CNTN4: variants seen among roughly 807,000 people sequenced by gnomAD.
The protein encoded by CNTN4 is contactin-4.
A neutral mutation model predicts 122.5 loss-of-function variants in CNTN4; 77 were observed. The ratio of observed to expected loss-of-function variants is 0.63; its 90% CI spans 0.52 to 0.76. CNTN4 has a LOEUF of 0.76. Among genes scored for constraint, CNTN4 ranks in the 30% least tolerant of loss-of-function variants. The pLI is 0.00. For synonymous variants in CNTN4, 512 were observed against 447.0 expected, an observed-to-expected ratio of 1.15 and a Z score of -1.83; for missense variants, 1,256 against 1,259.1, an observed-to-expected ratio of 1.00 and a Z score of 0.04.
intron 2 of CNTN4, among the ~76,000 whole-genome samples, chr3:2,331,983 G>A (rs983324752): frequency 1.3e-5 from 2 of 152,126 alleles, no homozygotes; most frequent in Admixed American, 1.3e-4. Flanking sequence ...CTTTCTCCGT[G>A]GTAAGTAAAG....
At chr3:2,294,272 G>A (rs1335448967) in intron 2 of CNTN4, among the ~76,000 whole-genome samples, 1 of 141,090 alleles carries the variant, frequency 7.1e-6, no homozygotes, top group Non-Finnish European at 1.6e-5. Flanking sequence ...GCAAAGGAAA[G>A]GCAGAAGAGT....
intron 6 of CNTN4, among the ~76,000 whole-genome samples, chr3:2,787,793 G>T (rs201501879): frequency 1.2e-4 from 17 of 138,492 alleles, no homozygotes; most frequent in African/African-American, 1.8e-4. Context: ...GTGGGTTTTT[G>T]TTTTTTTTTT....
At chr3:2,788,954 G>A (rs78115706) in intron 6 of CNTN4, among the ~76,000 whole-genome samples, 1 of 152,140 alleles carries the variant, frequency 6.6e-6, no homozygotes, top group Non-Finnish European at 1.5e-5. Flanking sequence ...CAGAAAAAAA[G>A]TTCTGATTCT....
intron 4 of CNTN4, among the ~76,000 whole-genome samples, chr3:2,634,685 A>T (rs1055007569): frequency 1.6e-4 from 21 of 134,382 alleles, no homozygotes; most frequent in African/African-American, 4.8e-4. Flanking sequence ...AGAAAAAAAA[A>T]AAATATATAT....
intron 4 of CNTN4, among the ~76,000 whole-genome samples, chr3:2,668,357 G>A (rs1237694638): frequency 6.6e-6 from 1 of 152,134 alleles, no homozygotes; most frequent in Admixed American, 6.5e-5. Context: ...TGAAGCAATT[G>A]TGAATGGGAG....
At chr3:2,288,144 CAG>C (rs764724667) in intron 2 of CNTN4, among the ~76,000 whole-genome samples, 1 of 152,084 alleles carries the variant, frequency 6.6e-6, no homozygotes, top group African/African-American at 2.4e-5. Context: ...AAATAAGGAA[CAG>C]AGATTTCTTA....
intron 7 of CNTN4, among the ~76,000 whole-genome samples, chr3:2,831,599 A>G (rs2093106390): frequency 6.6e-6 from 1 of 152,154 alleles, no homozygotes; most frequent in Admixed American, 6.5e-5. Context: ...TTTTTCTCCC[A>G]TCATCTGGTG....
Position 2,745,610 on chromosome 3 carries a change from A to G in CNTN4, c.271A>G (p.Lys91Glu). The G allele has an allele frequency of 6.2e-7, 1 of 1,614,150 alleles. No homozygotes were observed. Among genetic ancestry groups the G allele is most frequent in the Non-Finnish European group, 8.5e-7 (1 of 1,179,986 alleles). The part of the protein sequence containing the change: ...EGSLLINNPN[K>E]TQDAGTYQCT... ...GAGCTTGTTGATCAATAACCCCAAT[A>G]AAACCCAAGATGCTGGAACGTACCA... The change falls in exon 6 of 25, where the codon AAA becomes GAA. Residue 91 changes from lysine to glutamate, a missense_variant. Coordinates refer to ENST00000418658, the MANE Select transcript of CNTN4 (RefSeq NM_175607.3).
chr3:2,103,181 CT>C (rs200002968), intron 2 of CNTN4, among the ~76,000 whole-genome samples: 397 of 140,742 alleles, frequency 2.8e-3, no homozygotes, highest in Non-Finnish European at 3.1e-3. Flanking sequence ...TTTTTAACAG[CT>C]TTTTTTTTTT....
At chr3:2,728,644 A>G (rs1172204016) in intron 4 of CNTN4, among the ~76,000 whole-genome samples, 1 of 152,242 alleles carries the variant, frequency 6.6e-6, no homozygotes, top group Non-Finnish European at 1.5e-5. Flanking sequence ...ATATAGGCAA[A>G]GCCACTCTGG....
chr3:2,553,371 A>T (rs2149376064), intron 3 of CNTN4, among the ~76,000 whole-genome samples: 1 of 152,274 alleles, frequency 6.6e-6, no homozygotes, highest in African/African-American at 2.4e-5. Context: ...CCTTTTTCAC[A>T]GCACATATAG....
At chr3:2,677,164 G>A (rs1295002715) in intron 4 of CNTN4, among the ~76,000 whole-genome samples, 1 of 150,076 alleles carries the variant, frequency 6.7e-6, no homozygotes. Flanking sequence ...TAGATAGATA[G>A]ATAGATAGAT....
At chr3:2,248,898 T>C (rs1175390873) in intron 2 of CNTN4, among the ~76,000 whole-genome samples, 1 of 151,922 alleles carries the variant, frequency 6.6e-6, no homozygotes, top group East Asian at 1.9e-4. Flanking sequence ...GGAAATTAGG[T>C]TGTGAATGGA....
intron 2 of CNTN4, among the ~76,000 whole-genome samples, chr3:2,164,789 GT>G (rs1158192838): frequency 4.6e-5 from 7 of 152,216 alleles, no homozygotes; most frequent in African/African-American, 1.7e-4. Flanking sequence ...GTTTGCTCAT[GT>G]TTGACGGAAA....
intron 7 of CNTN4, among the ~76,000 whole-genome samples, chr3:2,825,552 G>A (rs534787574): frequency 5.1e-4 from 77 of 152,234 alleles, no homozygotes; most frequent in African/African-American, 1.8e-3. Flanking sequence ...AGCCAAGTGT[G>A]GTGGTGTGTG....
At chr3:2,726,448 G>T (rs906240047) in intron 4 of CNTN4, among the ~76,000 whole-genome samples, 3 of 152,196 alleles carry the variant, frequency 2.0e-5, no homozygotes, top group Non-Finnish European at 4.4e-5. Flanking sequence ...GAGTAGGAGG[G>T]TTGGTTCACC....
At chr3:2,356,554 G>C (rs1230995124) in intron 3 of CNTN4, among the ~76,000 whole-genome samples, 2 of 152,170 alleles carry the variant, frequency 1.3e-5, no homozygotes. Context: ...CACTATCTTG[G>C]TTTTGGTGGA....
intron 2 of CNTN4, among the ~76,000 whole-genome samples, chr3:2,261,103 G>T (rs902556563): frequency 6.6e-6 from 1 of 152,004 alleles, no homozygotes; most frequent in Admixed American, 6.6e-5. Context: ...AAACTAAATT[G>T]CAATTGTCAA....
intron 12 of CNTN4, among the ~76,000 whole-genome samples, chr3:2,913,566 A>G (rs183190500): frequency 4.6e-5 from 7 of 152,364 alleles, no homozygotes; most frequent in Admixed American, 1.3e-4. Flanking sequence ...CAAGAGACAA[A>G]GAAAAACATT....
Sources: gnomAD v4.1 joint callset for allele counts (sites outside exome capture counted in the v4.1 genomes callset) on GRCh38, gnomAD v4.1.1 for gene constraint, MANE v1.5 for transcripts, NCBI Gene and HGNC (gene_info 2026-07-23, HGNC 2026-07-21) for gene names.